LYPD6B: variants seen among roughly 807,000 people sequenced by gnomAD.
The protein encoded by LYPD6B is ly6/PLAUR domain-containing protein 6B.
Under a neutral mutation model 22.8 loss-of-function variants are expected in LYPD6B, and 17 were observed. The ratio of observed to expected loss-of-function variants is 0.75; its 90% CI spans 0.51 to 1.12. The LOEUF is 1.12. Ranked by LOEUF, LYPD6B falls within the 50% of genes most tolerant of loss-of-function variation. The probability of loss-of-function intolerance (pLI) is 0.00; values close to 1 mark genes in which losing one functional copy is unlikely to be tolerated. For synonymous variants in LYPD6B, 106 were observed against 91.6 expected, an observed-to-expected ratio of 1.16 and a Z score of -0.90; for missense variants, 221 against 258.3, an observed-to-expected ratio of 0.86 and a Z score of 0.99.
intron 1 of LYPD6B, among the ~76,000 whole-genome samples, chr2:149,097,362 T>A (rs1685951649): frequency 6.6e-6 from 1 of 152,258 alleles, no homozygotes; most frequent in African/African-American, 2.4e-5. Flanking sequence ...TCCTTTTGTG[T>A]ACACCATACC....
At chr2:149,078,933 G>A (rs530470317) in intron 1 of LYPD6B, among the ~76,000 whole-genome samples, 1 of 152,164 alleles carries the variant, frequency 6.6e-6, no homozygotes, top group Non-Finnish European at 1.5e-5. Flanking sequence ...CTTGAGCCCA[G>A]GGGTTTGAGG....
At chr2:149,043,887 G>T (rs1683194882) in intron 1 of LYPD6B, among the ~76,000 whole-genome samples, 1 of 152,090 alleles carries the variant, frequency 6.6e-6, no homozygotes, top group Non-Finnish European at 1.5e-5. Flanking sequence ...TGAAATGACT[G>T]TCCTTTCTTC....
intron 3 of LYPD6B, among the ~76,000 whole-genome samples, chr2:149,194,599 C>T (rs775195023): frequency 3.3e-5 from 5 of 152,128 alleles, no homozygotes; most frequent in Non-Finnish European, 4.4e-5. Flanking sequence ...GCAGAGTTGG[C>T]CACCTGCTAG....
At chr2:149,056,847 G>T (rs1018139097) in intron 1 of LYPD6B, among the ~76,000 whole-genome samples, 1 of 152,122 alleles carries the variant, frequency 6.6e-6, no homozygotes, top group African/African-American at 2.4e-5. Context: ...AGATGCTTAT[G>T]ACCAGGAACT....
At chr2:149,180,765 G>C (rs1424148775) in intron 3 of LYPD6B, among the ~76,000 whole-genome samples, 4 of 152,178 alleles carry the variant, frequency 2.6e-5, no homozygotes, top group Admixed American at 6.5e-5. Flanking sequence ...TCTGAGAACC[G>C]GCTCTGCCAC....
intron 3 of LYPD6B, among the ~76,000 whole-genome samples, chr2:149,203,184 T>A (rs868570000): frequency 6.6e-6 from 1 of 152,164 alleles, no homozygotes. Context: ...GTTCTAGAGA[T>A]GAGGAAGCCA....
intron 1 of LYPD6B, among the ~76,000 whole-genome samples, chr2:149,058,100 GACCTTGGATGAGTT>G (rs1683892982): frequency 6.6e-6 from 1 of 152,174 alleles, no homozygotes; most frequent in Non-Finnish European, 1.5e-5. Flanking sequence ...CTGACTGTGT[GACCTTGGATGAGTT>G]ACCTTGGATG....
At chr2:149,137,366 A>G (rs993941405) in intron 2 of LYPD6B, among the ~76,000 whole-genome samples, 2 of 152,166 alleles carry the variant, frequency 1.3e-5, no homozygotes, top group Admixed American at 6.5e-5. Context: ...AGCTTCAGAG[A>G]GATTGCAAAG....
intron 1 of LYPD6B, among the ~76,000 whole-genome samples, chr2:149,094,502 C>T (rs145738158): frequency 1.4e-3 from 214 of 152,324 alleles, no homozygotes; most frequent in African/African-American, 4.9e-3. Flanking sequence ...AGACTGCTGC[C>T]CTGTGGTTAA....
intron 3 of LYPD6B, among the ~76,000 whole-genome samples, chr2:149,192,315 GC>G (rs1222681330): frequency 6.6e-6 from 1 of 152,068 alleles, no homozygotes; most frequent in Non-Finnish European, 1.5e-5. Context: ...AAGAGAAGTG[GC>G]TTCCTTTTTG....
At chr2:149,138,479 T>G (rs1688496381) in intron 2 of LYPD6B, among the ~76,000 whole-genome samples, 1 of 152,330 alleles carries the variant, frequency 6.6e-6, no homozygotes, top group Non-Finnish European at 1.5e-5. Flanking sequence ...GACCAACAGA[T>G]CTTTCCACCT....
chr2:149,104,537 G>A (rs2105504411), intron 1 of LYPD6B, among the ~76,000 whole-genome samples: 1 of 152,196 alleles, frequency 6.6e-6, no homozygotes, highest in East Asian at 1.9e-4. Context: ...ATTTCCTTTG[G>A]TGAGGTGTCT....
At chr2:149,134,063 CTGG>C (rs1218220192) in intron 2 of LYPD6B, among the ~76,000 whole-genome samples, 1 of 151,950 alleles carries the variant, frequency 6.6e-6, no homozygotes, top group Non-Finnish European at 1.5e-5. Context: ...GGGAAGGGGG[CTGG>C]GGAATGCTGG....
intron 1 of LYPD6B, among the ~76,000 whole-genome samples, chr2:149,054,038 A>C (rs10930007): frequency 0.011 from 1,707 of 152,338 alleles, 22 homozygotes; most frequent in Middle Eastern, 0.044. Context: ...ACTTTTGACT[A>C]TTACAAATAA....
chr2:149,184,717 C>G (rs557116852), intron 3 of LYPD6B, among the ~76,000 whole-genome samples: 1 of 152,296 alleles, frequency 6.6e-6, no homozygotes, highest in African/African-American at 2.4e-5. Flanking sequence ...ACCTCTGTCT[C>G]TTTCTCTTGC....
chr2:149,076,945 T>C (rs1445406740), intron 1 of LYPD6B, among the ~76,000 whole-genome samples: 1 of 152,086 alleles, frequency 6.6e-6, no homozygotes, highest in African/African-American at 2.4e-5. Flanking sequence ...GTTGGTTCTG[T>C]GGGGAGGAGG....
At chr2:149,131,833 C>T (rs949512461) in intron 2 of LYPD6B, among the ~76,000 whole-genome samples, 1 of 152,056 alleles carries the variant, frequency 6.6e-6, no homozygotes. Context: ...TCTTTGGGAG[C>T]TAAAACAGAA....
chr2:149,214,057 C>G (rs1045198339), intron 6 of LYPD6B, among the ~76,000 whole-genome samples: 1 of 152,144 alleles, frequency 6.6e-6, no homozygotes, highest in Non-Finnish European at 1.5e-5. Flanking sequence ...TTTTCTTACA[C>G]CACTCAGCAA....
Position 149,214,848 on chromosome 2 carries a change from G to T in LYPD6B, c.*138G>T, listed in dbSNP as rs1694094345. 1.1e-6 allele frequency: 1 copy of T among 919,444 alleles called. No homozygotes were observed. Among genetic ancestry groups the T allele is most frequent in the South Asian group, 1.5e-5 (1 of 65,350 alleles). The allele number at this position is 919,444 out of a possible 1,614,324, so 57.0% of individuals were successfully genotyped here. A position where few individuals can be genotyped will look rare whatever the true frequency, so the allele number is the denominator to read the frequency against. On this transcript the variant is annotated 3_prime_UTR_variant, in exon 7 of 7. Coordinates refer to ENST00000409642, the MANE Select transcript of LYPD6B (RefSeq NM_177964.5). ...TTGGACCTCAAGGCGAAAGCCAGTG[G>T]TTTGCTTGGATAAAATGTTCCCGCA...
Sources: gnomAD v4.1 joint callset for allele counts (sites outside exome capture counted in the v4.1 genomes callset) on GRCh38, gnomAD v4.1.1 for gene constraint, MANE v1.5 for transcripts, NCBI Gene and HGNC (gene_info 2026-07-23, HGNC 2026-07-21) for gene names.